Variants in ELAPOR1 observed in about 807,000 individuals in gnomAD.
The protein encoded by ELAPOR1 is endosome-lysosome associated apoptosis and autophagy regulator 1.
Under a neutral mutation model 119.7 loss-of-function variants are expected in ELAPOR1, and 77 were observed. The observed-to-expected ratio is 0.64, with a 90% confidence interval of 0.54 to 0.78. The LOEUF is 0.78. ELAPOR1 is among the 30% of genes least tolerant of loss of function. The probability of loss-of-function intolerance (pLI) is 0.00; values close to 1 mark genes in which losing one functional copy is unlikely to be tolerated. For synonymous variants in ELAPOR1, 481 were observed against 487.2 expected, an observed-to-expected ratio of 0.99 and a Z score of 0.17; for missense variants, 1,115 against 1,270.4, an observed-to-expected ratio of 0.88 and a Z score of 1.86.
intron 1 of ELAPOR1, among the ~76,000 whole-genome samples, chr1:109,138,787 T>TCACG (rs1458639772): frequency 1.5e-5 from 2 of 131,442 alleles, no homozygotes; most frequent in Non-Finnish European, 3.1e-5. Flanking sequence ...TGAGCCGAGA[T>TCACG]CACGCCATTG....
intron 11 of ELAPOR1, 105 bp from the exon 12 acceptor site, chr1:109,191,261 C>A: frequency 1.4e-6 from 1 of 740,084 alleles, no homozygotes. Context: ...TTCCATCATA[C>A]TCAGAACTTA....
intron 1 of ELAPOR1, among the ~76,000 whole-genome samples, chr1:109,128,820 G>C (rs763923358): frequency 6.6e-6 from 1 of 152,168 alleles, no homozygotes. Context: ...GATCTAAACA[G>C]GCTCTTTGTA....
intron 7 of ELAPOR1, among the ~76,000 whole-genome samples, chr1:109,175,446 C>G (rs1652213448): frequency 6.6e-6 from 1 of 151,320 alleles, no homozygotes; most frequent in African/African-American, 2.4e-5. Flanking sequence ...AGGTGATCTG[C>G]CCACCTCGGC....
At chr1:109,119,798 T>C (rs1648276645) in intron 1 of ELAPOR1, among the ~76,000 whole-genome samples, 1 of 152,246 alleles carries the variant, frequency 6.6e-6, no homozygotes, top group Non-Finnish European at 1.5e-5. Flanking sequence ...ACCTGTCTTC[T>C]GGTGTGCAGG....
chr1:109,191,662 C>A, intron 12 of ELAPOR1, 64 bp from the exon 13 acceptor site: 2 of 1,598,480 alleles, frequency 1.3e-6, no homozygotes, highest in Non-Finnish European at 1.7e-6. Flanking sequence ...GGGATGGCAG[C>A]CACATGGGCA....
In ELAPOR1 at chr1:109,197,663, C is replaced by T. The variant is rs748585979; in HGVS notation, c.2302+9C>T. 3 of 1,611,128 alleles carry T rather than the reference C, an allele frequency of 1.9e-6. No individual in the cohort carries two copies. The highest frequency in any genetic ancestry group is 2.7e-5 in the African/African-American group (2 of 74,586). On this transcript the variant is annotated intron_variant, in intron 16 of 21. Transcript: ENST00000369939. ...TGCTGATCGACTTATTGGTGAGTAA[C>T]TCCGCTGCCTCAGCCTTGTTTGAGA...
chr1:109,184,829 C>T (rs1227727686), intron 7 of ELAPOR1, among the ~76,000 whole-genome samples: 1 of 152,220 alleles, frequency 6.6e-6, no homozygotes, highest in African/African-American at 2.4e-5. Flanking sequence ...CTCATCAGCA[C>T]CTGGAACAGG....
At chr1:109,191,579 C>A in intron 12 of ELAPOR1, 108 bp downstream of exon 12, 1 of 1,391,564 alleles carries the variant, frequency 7.2e-7, no homozygotes. Context: ...AGTGATTCCA[C>A]AGAGGAAAGG....
At position 109,114,357 on chromosome 1, in the gene ELAPOR1, G is replaced by T. The variant is rs368537128; in HGVS notation, c.153+21G>T. 6 of 1,556,922 alleles carry T rather than the reference G, an allele frequency of 3.9e-6. No homozygotes were observed. The South Asian group carries it at 7.1e-5, about 18-fold the overall frequency. On this transcript the variant is annotated intron_variant, in intron 1 of 21. Transcript: ENST00000369939. ...AAGAGGTACTGCCGCCCCCCTACCC[G>T]ATCCCGCTTTGGTCACAAAAGTCTT...
At chr1:109,151,216 G>A (rs974645608) in intron 1 of ELAPOR1, among the ~76,000 whole-genome samples, 26 of 152,302 alleles carry the variant, frequency 1.7e-4, no homozygotes, top group African/African-American at 6.3e-4. Flanking sequence ...CCAGGAATGT[G>A]TGTTTTTAAC....
intron 1 of ELAPOR1, among the ~76,000 whole-genome samples, chr1:109,154,867 G>A (rs1019552664): frequency 2.0e-5 from 3 of 152,128 alleles, no homozygotes; most frequent in Non-Finnish European, 4.4e-5. Context: ...GAAATGATGT[G>A]GTTTAATGGT....
chr1:109,165,392 A>C (rs901603977), intron 3 of ELAPOR1, among the ~76,000 whole-genome samples: 2 of 151,854 alleles, frequency 1.3e-5, no homozygotes, highest in African/African-American at 4.8e-5. Context: ...TTCAAGACCA[A>C]CCTGGCCATG....
intron 3 of ELAPOR1, among the ~76,000 whole-genome samples, chr1:109,165,582 C>CT (rs1264461329): frequency 7.1e-6 from 1 of 141,460 alleles, no homozygotes; most frequent in Non-Finnish European, 1.5e-5. Context: ...GAAACTCCGT[C>CT]TTAAAAAAAA....
chr1:109,158,054 A>G (rs1430563510), intron 1 of ELAPOR1, among the ~76,000 whole-genome samples: 2 of 151,998 alleles, frequency 1.3e-5, no homozygotes, highest in African/African-American at 4.8e-5. Context: ...CGACCGATTA[A>G]TTTTTGTATG....
At chr1:109,150,261 G>C (rs759416636) in intron 1 of ELAPOR1, among the ~76,000 whole-genome samples, 20 of 152,182 alleles carry the variant, frequency 1.3e-4, no homozygotes, top group Non-Finnish European at 2.6e-4. Flanking sequence ...ACCAGTTGCT[G>C]TCTCTGCGGT....
rs193040077 is a variant in ELAPOR1, at chr1:109,190,272, C to T, written c.1439+590C>T. Among the ~76,000 whole-genome samples, 3 of 152,318 alleles carry T rather than the reference C, an allele frequency of 2.0e-5. No homozygotes were observed. In the East Asian group the frequency reaches 5.8e-4, roughly 29 times the overall value. On this transcript the variant is annotated intron_variant, in intron 11 of 21. Coordinates refer to ENST00000369939, the MANE Select transcript of ELAPOR1 (RefSeq NM_020775.5). Reference sequence around the variant, plus strand: ...AAAGTCACTTCACCTGTTCAGGCTTCGGGCCCCTCATCCATAAAAACAGTG... The same window carrying T: ...AAAGTCACTTCACCTGTTCAGGCTTTGGGCCCCTCATCCATAAAAACAGTG...
At chr1:109,128,055 T>C (rs1648908842) in intron 1 of ELAPOR1, among the ~76,000 whole-genome samples, 2 of 149,580 alleles carry the variant, frequency 1.3e-5, no homozygotes, top group African/African-American at 4.9e-5. Context: ...TATATTTTTA[T>C]AGAGACAGAG....
At chr1:109,141,437 A>G (rs1003665190) in intron 1 of ELAPOR1, among the ~76,000 whole-genome samples, 1 of 145,976 alleles carries the variant, frequency 6.9e-6, no homozygotes, top group South Asian at 2.2e-4. Context: ...AATTTTTTGT[A>G]TTTTTAGTAG....
At chr1:109,164,764 C>T in intron 3 of ELAPOR1, 73 bp downstream of exon 3, 1 of 1,387,512 alleles carries the variant, frequency 7.2e-7, no homozygotes, top group Non-Finnish European at 9.9e-7. Context: ...TGGACAGCCT[C>T]CTCCGCTGCC....
Sources: allele counts gnomAD v4.1 joint callset (sites outside exome capture counted in the v4.1 genomes callset), GRCh38; gene constraint gnomAD v4.1.1; transcripts MANE v1.5; gene names NCBI Gene and HGNC (gene_info 2026-07-23, HGNC 2026-07-21).